Variants in SLIT3 observed in about 807,000 individuals in gnomAD.
SLIT3 encodes the protein slit guidance ligand 3.
In SLIT3, 68 loss-of-function variants were observed where a neutral mutation model predicts 184.0. The ratio of observed to expected loss-of-function variants is 0.37; its 90% CI spans 0.30 to 0.45. SLIT3 has a LOEUF of 0.45. Among genes scored for constraint, SLIT3 ranks in the 20% least tolerant of loss-of-function variants. The probability of loss-of-function intolerance (pLI) is 1.00; values close to 1 mark genes in which losing one functional copy is unlikely to be tolerated. For synonymous variants in SLIT3, 831 were observed against 828.6 expected (o/e 1.00, Z -0.05); for missense variants, 1,707 against 2,026.0 (o/e 0.84, Z 3.02).
chr5:168,820,648 C>T (rs1453253532), intron 7 of SLIT3, among the ~76,000 whole-genome samples: 2 of 152,170 alleles, frequency 1.3e-5, no homozygotes, highest in Admixed American at 6.5e-5. Flanking sequence ...ACTGTAGCAC[C>T]GAGGTGGCTA....
At chr5:168,783,243 C>T (rs1009041929) in intron 12 of SLIT3, among the ~76,000 whole-genome samples, 1 of 150,634 alleles carries the variant, frequency 6.6e-6, no homozygotes. Context: ...ACAGCTGGGG[C>T]TTGTTCCTTG....
rs369077724 is a variant in SLIT3 at position 168,732,408 on chromosome 5, T to C, written c.2271-7924A>G. Among the ~76,000 whole-genome samples the C allele has an allele frequency of 9.2e-5, 14 of 152,126 alleles. No homozygotes were observed. In the South Asian group the frequency reaches 2.7e-3, roughly 29 times the overall value. ...CTGCCCAAAGCAATCTACAGATTCA[T>C]TGCAATCCCTACCAAATGACCAATG... On this transcript the variant is annotated intron_variant, in intron 20 of 35. Transcript: ENST00000519560.
intron 4 of SLIT3, among the ~76,000 whole-genome samples, chr5:168,969,513 T>C (rs563475683): frequency 6.6e-6 from 1 of 152,328 alleles, no homozygotes; most frequent in East Asian, 1.9e-4. Context: ...TTTTCTCCTG[T>C]TGAGGGAAAG....
chr5:168,859,451 C>T (rs1490794929), intron 5 of SLIT3, among the ~76,000 whole-genome samples: 3 of 151,948 alleles, frequency 2.0e-5, no homozygotes, highest in Non-Finnish European at 4.4e-5. Context: ...AGGAAATTTT[C>T]AACAAATATA....
At chr5:168,679,736 T>C (rs1307864764) in intron 32 of SLIT3, among the ~76,000 whole-genome samples, 2 of 152,120 alleles carry the variant, frequency 1.3e-5, no homozygotes, top group African/African-American at 2.4e-5. Flanking sequence ...CCTACTCCTG[T>C]AGCACAGCCC....
At chr5:168,955,584 C>T (rs1326134563) in intron 4 of SLIT3, among the ~76,000 whole-genome samples, 1 of 152,204 alleles carries the variant, frequency 6.6e-6, no homozygotes, top group Non-Finnish European at 1.5e-5. Flanking sequence ...TGGACACACT[C>T]CAGTACCCAC....
chr5:168,771,823 A>G (rs1476414780), intron 14 of SLIT3, among the ~76,000 whole-genome samples: 1 of 152,206 alleles, frequency 6.6e-6, no homozygotes, highest in African/African-American at 2.4e-5. Flanking sequence ...ACCTCTCCCC[A>G]CGCTGGCATT....
At chr5:169,290,517 GCTAGGGCATATA>G (rs1767323846) in intron 1 of SLIT3, among the ~76,000 whole-genome samples, 1 of 144,338 alleles carries the variant, frequency 6.9e-6, no homozygotes, top group African/African-American at 2.6e-5. Context: ...TAGTGCATGC[GCTAGGGCATATA>G]CTAGGGCGCA....
chr5:169,178,381 T>C (rs1033241954), intron 4 of SLIT3, among the ~76,000 whole-genome samples: 5 of 152,308 alleles, frequency 3.3e-5, no homozygotes, highest in Middle Eastern at 3.4e-3. Flanking sequence ...AGGGCATTGA[T>C]ATAGAAATTC....
At chr5:168,778,655 C>T (rs887032767) in intron 12 of SLIT3, among the ~76,000 whole-genome samples, 6 of 152,202 alleles carry the variant, frequency 3.9e-5, no homozygotes, top group Non-Finnish European at 5.9e-5. Flanking sequence ...GACCGAATGC[C>T]GACGTGGGAG....
intron 4 of SLIT3, among the ~76,000 whole-genome samples, chr5:168,938,690 G>C (rs1274480755): frequency 1.3e-5 from 2 of 152,130 alleles, no homozygotes; most frequent in Non-Finnish European, 2.9e-5. Flanking sequence ...GAGTGCAGTG[G>C]CCTGATCTCG....
At chr5:168,749,029 C>T (rs1257024353) in intron 19 of SLIT3, among the ~76,000 whole-genome samples, 1 of 152,176 alleles carries the variant, frequency 6.6e-6, no homozygotes, top group African/African-American at 2.4e-5. Context: ...TACTGAGTCT[C>T]ATCATGATGC....
At chr5:168,958,979 T>C (rs1225351969) in intron 4 of SLIT3, among the ~76,000 whole-genome samples, 1 of 152,278 alleles carries the variant, frequency 6.6e-6, no homozygotes, top group Non-Finnish European at 1.5e-5. Context: ...CCATCTCCTA[T>C]GCATGGCAGG....
chr5:169,029,263 G>A (rs1756940558), intron 4 of SLIT3, among the ~76,000 whole-genome samples: 2 of 152,186 alleles, frequency 1.3e-5, no homozygotes, highest in Admixed American at 1.3e-4. Flanking sequence ...AGAAGACATA[G>A]CCACAGGACT....
At chr5:168,830,391 T>C (rs1279597288) in intron 6 of SLIT3, among the ~76,000 whole-genome samples, 1 of 152,168 alleles carries the variant, frequency 6.6e-6, no homozygotes, top group Non-Finnish European at 1.5e-5. Context: ...CTGGGGGCTC[T>C]AGGAAGCTCC....
chr5:169,174,890 C>T (rs922492036), intron 4 of SLIT3, among the ~76,000 whole-genome samples: 1 of 152,154 alleles, frequency 6.6e-6, no homozygotes, highest in African/African-American at 2.4e-5. Context: ...AAAAAAAAAT[C>T]TTCCTCTAAA....
At chr5:169,247,722 G>A (rs1765640342) in intron 2 of SLIT3, among the ~76,000 whole-genome samples, 1 of 152,090 alleles carries the variant, frequency 6.6e-6, no homozygotes, top group Non-Finnish European at 1.5e-5. Context: ...GAGTGCAGTG[G>A]TGCAAGGTGC....
At chr5:168,816,988 A>G (rs1208303426) in intron 8 of SLIT3, among the ~76,000 whole-genome samples, 5 of 152,192 alleles carry the variant, frequency 3.3e-5, no homozygotes, top group African/African-American at 1.2e-4. Flanking sequence ...CACCTCCGTT[A>G]TACCTGTTTC....
intron 12 of SLIT3, among the ~76,000 whole-genome samples, chr5:168,776,967 G>C (rs1755772819): frequency 1.3e-5 from 2 of 152,042 alleles, no homozygotes. Context: ...CCATTTGATA[G>C]CCTGAGGATG....
Sources: allele counts gnomAD v4.1 joint callset (sites outside exome capture counted in the v4.1 genomes callset), GRCh38; gene constraint gnomAD v4.1.1; transcripts MANE v1.5; gene names NCBI Gene and HGNC (gene_info 2026-07-23, HGNC 2026-07-21).